The following CFAP61 variants were observed in gnomAD, a reference collection of about 807,000 sequenced individuals.
CFAP61 encodes the protein cilia and flagella associated protein 61.
CFAP61 carries 107 observed loss-of-function variants against 135.6 expected under a neutral mutation model. The ratio of observed to expected loss-of-function variants is 0.79; its 90% CI spans 0.67 to 0.93. The LOEUF is 0.93. Ranked by LOEUF, CFAP61 falls within the 40% of genes least tolerant of loss-of-function variation. The pLI is 0.00. For missense variants in CFAP61, 1,507 were observed against 1,556.2 expected, an observed-to-expected ratio of 0.97 and a Z score of 0.53; for synonymous variants, 575 against 578.5, an observed-to-expected ratio of 0.99 and a Z score of 0.09.
At chr20:20,173,798 A>G (rs1036166266) in intron 13 of CFAP61, among the ~76,000 whole-genome samples, 22 of 152,214 alleles carry the variant, frequency 1.4e-4, no homozygotes, top group Admixed American at 9.8e-4. Flanking sequence ...CTCTGAATAA[A>G]TACAATTGAA....
At chr20:20,279,118 G>A (rs1430756050) in intron 22 of CFAP61, among the ~76,000 whole-genome samples, 1 of 152,136 alleles carries the variant, frequency 6.6e-6, no homozygotes, top group Non-Finnish European at 1.5e-5. Flanking sequence ...GGAAGCAGAG[G>A]CCTGAGAAAA....
intron 17 of CFAP61, 117 bp from the exon 18 acceptor site, chr20:20,228,132 A>G (rs1452921661): frequency 3.9e-6 from 3 of 771,936 alleles, no homozygotes; most frequent in Non-Finnish European, 6.0e-6. Context: ...GGGCACTATT[A>G]GGTTTGTTTT....
chr20:20,241,271 G>T (rs1285952991), intron 18 of CFAP61, among the ~76,000 whole-genome samples: 2 of 152,142 alleles, frequency 1.3e-5, no homozygotes, highest in African/African-American at 4.8e-5. Flanking sequence ...GTATGAGGAA[G>T]GGGGATAGTA....
intron 24 of CFAP61, among the ~76,000 whole-genome samples, chr20:20,292,261 A>G (rs1351684751): frequency 1.3e-5 from 2 of 152,248 alleles, no homozygotes; most frequent in East Asian, 1.9e-4. Context: ...TGTTTTAATC[A>G]TTATTCCAGA....
At chr20:20,279,260 A>C (rs964139165) in intron 22 of CFAP61, among the ~76,000 whole-genome samples, 1 of 152,110 alleles carries the variant, frequency 6.6e-6, no homozygotes, top group South Asian at 2.1e-4. Flanking sequence ...AAGGGCAGCA[A>C]CCCTCCTCAC....
chr20:20,279,758 A>G (rs887819793), intron 22 of CFAP61, among the ~76,000 whole-genome samples: 1 of 152,172 alleles, frequency 6.6e-6, no homozygotes, highest in Non-Finnish European at 1.5e-5. Context: ...GTTTGCTGTT[A>G]TATTCTTTCT....
At chr20:20,295,917 A>C (rs2055389459) in intron 24 of CFAP61, among the ~76,000 whole-genome samples, 1 of 151,178 alleles carries the variant, frequency 6.6e-6, no homozygotes, top group African/African-American at 2.4e-5. Flanking sequence ...CTGCAGCCAG[A>C]GGCTCAGTCC....
rs780510215 is a variant in CFAP61 at position 20,322,333 on chromosome 20, CCT to C, written c.3423-19497_3423-19496del. Among the ~76,000 whole-genome samples, 371 of 152,280 alleles carry C rather than the reference CCT, an allele frequency of 2.4e-3. 3 individuals carry two copies. The highest frequency in any genetic ancestry group is 4.1e-3 in the Non-Finnish European group (280 of 68,016). The stretch of plus-strand genomic sequence containing the variant: ...GAAATGCTCGGATCAAATGACGTTC[CCT>C]GTTTCCTGACATGAAGTCCCAACAT... On this transcript the variant is annotated intron_variant, in intron 25 of 26. Transcript: ENST00000245957.
Position 20,283,755 on chromosome 20 carries a change from A to G in CFAP61, c.2797-4854A>G, listed in dbSNP as rs187704933. On this transcript the variant is annotated intron_variant, in intron 22 of 26. Transcript: ENST00000245957. ...TTCCTTGCTGGCCCAGCCAGGGGCT[A>G]CTCTCAGCTCCTAGAAGCCATTCAT... Among the ~76,000 whole-genome samples, 332 of 152,280 alleles carry G rather than the reference A, an allele frequency of 2.2e-3. 3 individuals carry two copies. Among genetic ancestry groups the G allele is most frequent in the Middle Eastern group, 0.01 (3 of 294 alleles).
chr20:20,267,265 C>T (rs1292822935), intron 21 of CFAP61, among the ~76,000 whole-genome samples: 1 of 152,114 alleles, frequency 6.6e-6, no homozygotes, highest in African/African-American at 2.4e-5. Context: ...GTGGGCTGGG[C>T]AGAGTCTGTG....
At chr20:20,144,693 C>A (rs929821043) in intron 9 of CFAP61, among the ~76,000 whole-genome samples, 2 of 151,640 alleles carry the variant, frequency 1.3e-5, no homozygotes, top group South Asian at 2.1e-4. Context: ...AGAAGCTCAG[C>A]AAACACAAGA....
intron 26 of CFAP61, among the ~76,000 whole-genome samples, chr20:20,353,661 A>G (rs1647570530): frequency 6.6e-6 from 1 of 152,192 alleles, no homozygotes; most frequent in Admixed American, 6.5e-5. Context: ...GTTTTGTTAT[A>G]TGTCATCTCG....
At chr20:20,177,238 C>T (rs114460430) in intron 13 of CFAP61, among the ~76,000 whole-genome samples, 78 of 152,106 alleles carry the variant, frequency 5.1e-4, no homozygotes, top group African/African-American at 1.8e-3. Flanking sequence ...TACACACTTT[C>T]CACCTGTGGT....
intron 2 of CFAP61, among the ~76,000 whole-genome samples, chr20:20,057,529 G>T (rs546918269): frequency 3.3e-5 from 5 of 152,194 alleles, no homozygotes; most frequent in Non-Finnish European, 7.3e-5. Flanking sequence ...GGAGGCTGGC[G>T]CAGGGTCAAA....
At chr20:20,062,020 C>T (rs549782105) in intron 2 of CFAP61, among the ~76,000 whole-genome samples, 33 of 152,282 alleles carry the variant, frequency 2.2e-4, no homozygotes, top group African/African-American at 7.7e-4. Flanking sequence ...GTTTTGTGAT[C>T]TTGGGAGCCT....
chr20:20,053,405 C>A (rs1420993053), intron 1 of CFAP61, among the ~76,000 whole-genome samples: 2 of 152,156 alleles, frequency 1.3e-5, no homozygotes, highest in Non-Finnish European at 2.9e-5. Context: ...ACATTTGTTA[C>A]AATCTTGAAC....
At position 20,263,022 on chromosome 20, in the gene CFAP61, C is replaced by T. The variant is rs1357034547; in HGVS notation, c.2395C>T (p.Gln799Ter). The change falls in exon 21 of 27, where the codon CAG (glutamine) becomes TAG (stop). Residue 799 changes from glutamine (Q) to a stop codon, truncating the protein, a stop_gained. Transcript: ENST00000245957. LOFTEE classifies it high-confidence loss of function. Reference sequence around the variant, plus strand: ...AAACAGGGAGGTTCCCAACAGCAGTCAGCGGCGGTACACGGGGAAAGTTCC... The same window carrying T: ...AAACAGGGAGGTTCCCAACAGCAGTTAGCGGCGGTACACGGGGAAAGTTCC... ...LTNREVPNSS[Q>*]RRYTGKVPCN... 1.2e-6 allele frequency: 2 copies of T among 1,613,834 alleles called. No individual in the cohort carries two copies. The highest frequency in any genetic ancestry group is 1.7e-6 in the Non-Finnish European group (2 of 1,179,924).
At chr20:20,113,444 T>A (rs2048933197) in intron 8 of CFAP61, among the ~76,000 whole-genome samples, 1 of 152,216 alleles carries the variant, frequency 6.6e-6, no homozygotes, top group African/African-American at 2.4e-5. Flanking sequence ...GAATTACATT[T>A]AATCTGATAT....
At chr20:20,292,268 C>T (rs554318220) in intron 24 of CFAP61, among the ~76,000 whole-genome samples, 1 of 152,298 alleles carries the variant, frequency 6.6e-6, no homozygotes, top group South Asian at 2.1e-4. Flanking sequence ...ATCATTATTC[C>T]AGATAAATAA....
Sources: gnomAD v4.1 joint callset for allele counts (sites outside exome capture counted in the v4.1 genomes callset) on GRCh38, gnomAD v4.1.1 for gene constraint, MANE v1.5 for transcripts, NCBI Gene and HGNC (gene_info 2026-07-23, HGNC 2026-07-21) for gene names.